The following CNTNAP2 variants were observed in gnomAD, a reference collection of about 807,000 sequenced individuals.
CNTNAP2 encodes contactin-associated protein-like 2.
Under a neutral mutation model 155.2 loss-of-function variants are expected in CNTNAP2, and 98 were observed. That is an observed-to-expected ratio of 0.63 (90% CI 0.54 to 0.75). The LOEUF (loss-of-function observed/expected upper bound fraction) is 0.75. Ranked by LOEUF, CNTNAP2 falls within the 30% of genes least tolerant of loss-of-function variation. CNTNAP2 has a pLI of 0.00. For missense variants in CNTNAP2, 1,727 were observed against 1,688.1 expected (o/e 1.02, Z -0.40); for synonymous variants, 651 against 631.2 (o/e 1.03, Z -0.47).
At chr7:146,649,250 T>A (rs949592461) in intron 1 of CNTNAP2, among the ~76,000 whole-genome samples, 2 of 152,110 alleles carry the variant, frequency 1.3e-5, no homozygotes, top group African/African-American at 2.4e-5. Context: ...AGCTGATAAA[T>A]TTAGCTGAAT....
At chr7:146,305,185 A>T (rs1800686933) in intron 1 of CNTNAP2, among the ~76,000 whole-genome samples, 1 of 151,954 alleles carries the variant, frequency 6.6e-6, no homozygotes, top group South Asian at 2.1e-4. Flanking sequence ...TCCTTTTTCA[A>T]GGTTTTTAGC....
chr7:147,687,893 T>C (rs1488140899), intron 13 of CNTNAP2, among the ~76,000 whole-genome samples: 1 of 151,744 alleles, frequency 6.6e-6, no homozygotes, highest in South Asian at 2.1e-4. Context: ...AACATTCTGA[T>C]ACAGTATAGC....
intron 11 of CNTNAP2, among the ~76,000 whole-genome samples, chr7:147,513,032 A>C (rs897821640): frequency 6.6e-6 from 1 of 152,218 alleles, no homozygotes; most frequent in East Asian, 1.9e-4. Context: ...AGAAAAAAAC[A>C]TAAAGTGATA....
intron 9 of CNTNAP2, among the ~76,000 whole-genome samples, chr7:147,318,001 G>A (rs2620454): frequency 0.15 from 23,153 of 152,002 alleles, 2,908 homozygotes; most frequent in East Asian, 0.7. Flanking sequence ...TCTCTGATTC[G>A]AAGAATGAAT....
chr7:146,684,590 A>T (rs1800561501), intron 1 of CNTNAP2, among the ~76,000 whole-genome samples: 1 of 148,396 alleles, frequency 6.7e-6, no homozygotes, highest in South Asian at 2.2e-4. Context: ...GATCACCATG[A>T]CAGAATAGAA....
At chr7:147,337,287 G>A (rs1271508456) in intron 9 of CNTNAP2, among the ~76,000 whole-genome samples, 1 of 152,148 alleles carries the variant, frequency 6.6e-6, no homozygotes, top group Non-Finnish European at 1.5e-5. Context: ...CATATTCTGT[G>A]TTGCACTGCA....
intron 1 of CNTNAP2, among the ~76,000 whole-genome samples, chr7:146,190,345 TTCA>T (rs77798642): frequency 0.14 from 21,812 of 152,152 alleles, 2,093 homozygotes; most frequent in Non-Finnish European, 0.21. Context: ...TGAGTTGTAC[TTCA>T]TCAACTTAGA....
Position 146,774,286 on chromosome 7 carries a change from C to T in CNTNAP2, c.113C>T (p.Pro38Leu). ...TTGTTTTCAGAAAAATGTGATGAGC[C>T]ACTTGTCTCTGGACTCCCCCATGTG... is the stretch of plus-strand genomic sequence containing the variant. ...APSTSQKCDE[P>L]LVSGLPHVAF... Residue 38 changes from proline (P) to leucine (L), a missense_variant, in exon 2 of 24, where the codon CCA becomes CTA. By Grantham distance (98) the Pro-to-Leu change is moderately conservative (BLOSUM62 -3). Coordinates refer to ENST00000361727, the MANE Select transcript of CNTNAP2 (RefSeq NM_014141.6). 2 of 1,613,716 alleles carry T rather than the reference C, an allele frequency of 1.2e-6. No individual in the cohort carries two copies. Among genetic ancestry groups the T allele is most frequent in the Non-Finnish European group, 8.5e-7 (1 of 1,179,832 alleles).
chr7:147,313,456 G>T (rs1274551822), intron 9 of CNTNAP2, among the ~76,000 whole-genome samples: 2 of 151,052 alleles, frequency 1.3e-5, no homozygotes, highest in African/African-American at 4.9e-5. Context: ...GTAAGGAAGG[G>T]ATCCAGTTTC....
At chr7:146,916,441 A>T (rs1390031522) in intron 3 of CNTNAP2, among the ~76,000 whole-genome samples, 1 of 152,000 alleles carries the variant, frequency 6.6e-6, no homozygotes, top group East Asian at 1.9e-4. Flanking sequence ...TCAACTGTTA[A>T]TCTATCTGGT....
chr7:147,016,511 T>C (rs1798726479), intron 3 of CNTNAP2, among the ~76,000 whole-genome samples: 1 of 152,088 alleles, frequency 6.6e-6, no homozygotes, highest in Non-Finnish European at 1.5e-5. Flanking sequence ...AACTACTTTT[T>C]CTCAGGGCCT....
At chr7:148,285,579 CT>C (rs1276476005) in intron 21 of CNTNAP2, among the ~76,000 whole-genome samples, 1 of 152,256 alleles carries the variant, frequency 6.6e-6, no homozygotes, top group African/African-American at 2.4e-5. Context: ...CTGCCTGGCA[CT>C]ACATTATCAC....
chr7:148,166,548 C>T (rs1409079947), intron 17 of CNTNAP2, among the ~76,000 whole-genome samples: 2 of 151,786 alleles, frequency 1.3e-5, no homozygotes, highest in Non-Finnish European at 2.9e-5. Flanking sequence ...AATTTAATAG[C>T]CGATTATTTT....
At chr7:147,177,868 C>T (rs527876500) in intron 8 of CNTNAP2, among the ~76,000 whole-genome samples, 3 of 152,080 alleles carry the variant, frequency 2.0e-5, no homozygotes, top group Admixed American at 6.6e-5. Flanking sequence ...AAATGGGTAA[C>T]TGAGGTGGGA....
chr7:146,538,720 C>G (rs144649476), intron 1 of CNTNAP2, among the ~76,000 whole-genome samples: 107 of 151,284 alleles, frequency 7.1e-4, no homozygotes, highest in African/African-American at 2.5e-3. Context: ...TCCTAACAAA[C>G]TAGAAAAATG....
At chr7:147,262,138 G>A (rs1804486041) in intron 8 of CNTNAP2, among the ~76,000 whole-genome samples, 1 of 152,192 alleles carries the variant, frequency 6.6e-6, no homozygotes, top group African/African-American at 2.4e-5. Flanking sequence ...CAAAGAGGAA[G>A]TGTAAGACAA....
At chr7:146,130,450 G>A (rs919328634) in intron 1 of CNTNAP2, among the ~76,000 whole-genome samples, 4 of 152,194 alleles carry the variant, frequency 2.6e-5, no homozygotes, top group Non-Finnish European at 2.9e-5. Context: ...AGCCAGCTGA[G>A]ACAAGAGTGA....
intron 1 of CNTNAP2, among the ~76,000 whole-genome samples, chr7:146,770,580 G>T (rs530418828): frequency 5.9e-4 from 90 of 151,820 alleles, no homozygotes; most frequent in African/African-American, 2.1e-3. Context: ...TATTGGCCCT[G>T]ATCTTTACTA....
At chr7:147,059,724 T>C (rs570271671) in intron 4 of CNTNAP2, among the ~76,000 whole-genome samples, 158 of 152,242 alleles carry the variant, frequency 1.0e-3, no homozygotes, top group Non-Finnish European at 1.7e-3. Context: ...ACAACAAAGA[T>C]GCAAAACAGG....
Sources: allele counts gnomAD v4.1 joint callset (sites outside exome capture counted in the v4.1 genomes callset), GRCh38; gene constraint gnomAD v4.1.1; transcripts MANE v1.5; gene names NCBI Gene and HGNC (gene_info 2026-07-23, HGNC 2026-07-21).